The following RARB variants were observed in gnomAD, a reference collection of about 807,000 sequenced individuals.
The protein encoded by RARB is HBV-activated protein.
Under a neutral mutation model 51.9 loss-of-function variants are expected in RARB, and 17 were observed. The observed-to-expected ratio is 0.33, with a 90% confidence interval of 0.22 to 0.49. The LOEUF (loss-of-function observed/expected upper bound fraction) is 0.49, where lower values mean the gene tolerates loss of function less well. Ranked by LOEUF, RARB falls within the 20% of genes least tolerant of loss-of-function variation. The pLI is 0.99. For synonymous variants in RARB, 215 were observed against 195.4 expected (o/e 1.10, Z -0.84); for missense variants, 369 against 550.8 (o/e 0.67, Z 3.30).
intron 3 of RARB, among the ~76,000 whole-genome samples, chr3:25,066,505 A>G (rs1698664973): frequency 6.6e-6 from 1 of 152,086 alleles, no homozygotes; most frequent in South Asian, 2.1e-4. Flanking sequence ...AGGAGTTTCA[A>G]CTTCTAGAAC....
At chr3:24,906,109 A>G (rs919890005) in intron 2 of RARB, among the ~76,000 whole-genome samples, 6 of 152,226 alleles carry the variant, frequency 3.9e-5, no homozygotes, top group African/African-American at 1.2e-4. Flanking sequence ...GAGACAGCCA[A>G]TAAGCATGAG....
At chr3:25,217,521 A>G (rs1377402086) in intron 5 of RARB, among the ~76,000 whole-genome samples, 1 of 152,054 alleles carries the variant, frequency 6.6e-6, no homozygotes, top group East Asian at 1.9e-4. Context: ...GATCCTTGAA[A>G]GTTGTATGGC....
intron 3 of RARB, among the ~76,000 whole-genome samples, chr3:25,119,431 G>C (rs545781928): frequency 3.9e-5 from 6 of 152,120 alleles, no homozygotes; most frequent in Non-Finnish European, 8.8e-5. Flanking sequence ...TGCTCCATGG[G>C]TGTATTGTGA....
At chr3:24,999,812 A>G (rs937532931) in intron 2 of RARB, among the ~76,000 whole-genome samples, 3 of 152,180 alleles carry the variant, frequency 2.0e-5, no homozygotes, top group Admixed American at 6.5e-5. Context: ...CCTCTGTGGT[A>G]TAAGTTTTAA....
chr3:25,082,523 T>C (rs1355193535), intron 3 of RARB, among the ~76,000 whole-genome samples: 1 of 152,134 alleles, frequency 6.6e-6, no homozygotes, highest in Admixed American at 6.5e-5. Flanking sequence ...TTTCTCCAAG[T>C]ATAATGGTAA....
chr3:25,544,080 C>T (rs1256208418), intron 3 of RARB, among the ~76,000 whole-genome samples: 2 of 152,072 alleles, frequency 1.3e-5, no homozygotes, highest in Non-Finnish European at 2.9e-5. Flanking sequence ...TAGAAGGGAA[C>T]ACTATACTGG....
At chr3:24,852,371 A>G (rs1278246634) in intron 1 of RARB, among the ~76,000 whole-genome samples, 1 of 152,220 alleles carries the variant, frequency 6.6e-6, no homozygotes, top group African/African-American at 2.4e-5. Flanking sequence ...CTGGAGGTCC[A>G]GTGATTGTGG....
At position 25,197,122 on chromosome 3, in the gene RARB, T is replaced by G. The variant is rs550504740; in HGVS notation, c.178+22547T>G. ...TTTTGTTGTCATTGCTTTTGGTGTT[T>G]TAGACATGAAGTCCTTGCCCATGCC... On this transcript the variant is annotated intron_variant, in intron 5 of 11. Transcript: ENST00000383772. Among the ~76,000 whole-genome samples the G allele has an allele frequency of 2.5e-3, 375 of 152,288 alleles. 4 individuals are homozygous for G. The highest frequency in any genetic ancestry group is 7.5e-3 in the African/African-American group (312 of 41,564).
intron 5 of RARB, among the ~76,000 whole-genome samples, chr3:25,206,710 C>A (rs1701556489): frequency 6.6e-6 from 1 of 152,266 alleles, no homozygotes; most frequent in East Asian, 1.9e-4. Context: ...GTTATTCTTT[C>A]TGGAAAAAAT....
chr3:25,577,136 C>T (rs1369712586), intron 4 of RARB, among the ~76,000 whole-genome samples: 2 of 152,084 alleles, frequency 1.3e-5, no homozygotes, highest in African/African-American at 4.8e-5. Context: ...GAGGGGGTGA[C>T]GTGGTGCACT....
chr3:25,438,327 GCCCA>G (rs757724840), intron 1 of RARB, among the ~76,000 whole-genome samples: 9,089 of 152,214 alleles, frequency 0.06, 380 homozygotes, highest in Middle Eastern at 0.12. Context: ...CACAGGGCCA[GCCCA>G]GATTCAATAA....
At chr3:25,590,449 C>T (rs1206103320) in intron 5 of RARB, among the ~76,000 whole-genome samples, 6 of 152,120 alleles carry the variant, frequency 3.9e-5, no homozygotes, top group African/African-American at 1.4e-4. Flanking sequence ...TTATTTAGTA[C>T]CCATTTGATT....
chr3:25,467,335 C>G (rs6769980), intron 2 of RARB, among the ~76,000 whole-genome samples: 10,952 of 152,306 alleles, frequency 0.072, 535 homozygotes, highest in African/African-American at 0.13. Flanking sequence ...GTCTTCTTGT[C>G]TTGGCTGACT....
At chr3:25,013,444 C>T (rs542861793) in intron 2 of RARB, among the ~76,000 whole-genome samples, 1 of 152,092 alleles carries the variant, frequency 6.6e-6, no homozygotes, top group Non-Finnish European at 1.5e-5. Context: ...ACTTTCCCAA[C>T]TATTCTTAAC....
intron 1 of RARB, among the ~76,000 whole-genome samples, chr3:24,838,999 G>C (rs532886438): frequency 1.3e-5 from 2 of 151,838 alleles, no homozygotes; most frequent in South Asian, 4.2e-4. Context: ...TATATTATGG[G>C]ATGAAATTTG....
rs1480705027 is a variant in RARB, at chr3:25,491,104, C to T, written c.307-10078C>T. 2.0e-5 allele frequency among the ~76,000 whole-genome samples: 3 copies of T among 152,268 alleles called. 1 individual carries two copies. Among genetic ancestry groups the T allele is most frequent in the South Asian group, 4.1e-4 (2 of 4,826 alleles). ...TACTCTTCACCTTCTTTTTAAGTCA[C>T]CTTTATTTCAGTGGCTTCCAAGTAG... On this transcript the variant is annotated intron_variant, in intron 2 of 7. Transcript: ENST00000330688.
Position 25,093,929 on chromosome 3 carries a change from T to C in RARB, c.-328+33753T>C, listed in dbSNP as rs561292022. ...CTCCAAATTTTCAGGGAGACTGATT[T>C]GAGTCATAATAAAACACATATACAC... On this transcript the variant is annotated intron_variant, in intron 3 of 11. Coordinates refer to the RARB transcript ENST00000383772. Among the ~76,000 whole-genome samples the C allele has an allele frequency of 4.3e-4, 66 of 152,246 alleles. No homozygotes were observed. The South Asian group carries it at 0.013, about 30-fold the overall frequency.
At chr3:25,376,148 G>T (rs984400973) in intron 5 of RARB, among the ~76,000 whole-genome samples, 2 of 152,100 alleles carry the variant, frequency 1.3e-5, no homozygotes, top group Non-Finnish European at 1.5e-5. Flanking sequence ...TCAAAGTTGG[G>T]CTATTACTAA....
intron 5 of RARB, among the ~76,000 whole-genome samples, chr3:25,294,308 G>A (rs1001798360): frequency 3.9e-5 from 6 of 152,190 alleles, no homozygotes; most frequent in Non-Finnish European, 5.9e-5. Context: ...AGAGACATTT[G>A]AACCACAGGA....
Sources: gnomAD v4.1 joint callset for allele counts (sites outside exome capture counted in the v4.1 genomes callset) on GRCh38, gnomAD v4.1.1 for gene constraint, MANE v1.5 for transcripts, NCBI Gene and HGNC (gene_info 2026-07-23, HGNC 2026-07-21) for gene names.